The following FNIP1 variants were observed in gnomAD, a reference collection of about 807,000 sequenced individuals.
The protein encoded by FNIP1 is folliculin interacting protein 1.
FNIP1 carries 40 observed loss-of-function variants against 124.5 expected under a neutral mutation model. The observed-to-expected ratio is 0.32, with a 90% CI of 0.25 to 0.42. The LOEUF is 0.42. Among genes scored for constraint, FNIP1 ranks in the 10% least tolerant of loss-of-function variants. The pLI, the probability that FNIP1 is intolerant of heterozygous loss-of-function variation, is 1.00. For missense variants in FNIP1, 1,176 were observed against 1,403.7 expected, an observed-to-expected ratio of 0.84 and a Z score of 2.59; for synonymous variants, 472 against 470.6, an observed-to-expected ratio of 1.00 and a Z score of -0.04.
intron 11 of FNIP1, among the ~76,000 whole-genome samples, chr5:131,694,220 G>A (rs767133868): frequency 9.9e-5 from 15 of 152,124 alleles, no homozygotes; most frequent in South Asian, 2.1e-4. Context: ...ATGCTCCTAT[G>A]TATTTTTCCA....
chr5:131,664,817 TAA>T (rs1767546690), intron 15 of FNIP1, among the ~76,000 whole-genome samples: 2 of 150,918 alleles, frequency 1.3e-5, no homozygotes, highest in South Asian at 4.2e-4. Context: ...TATAAAATCA[TAA>T]AGAGTATAAA....
At chr5:131,741,959 C>A (rs1027733898) in intron 2 of FNIP1, among the ~76,000 whole-genome samples, 1 of 152,286 alleles carries the variant, frequency 6.6e-6, no homozygotes, top group Admixed American at 6.5e-5. Flanking sequence ...GGGAGGACTG[C>A]GTGATCCCAG....
intron 1 of FNIP1, among the ~76,000 whole-genome samples, chr5:131,772,045 A>G (rs1267519376): frequency 6.6e-6 from 1 of 152,182 alleles, no homozygotes; most frequent in East Asian, 1.9e-4. Flanking sequence ...TCACACATAC[A>G]AAGGAATACT....
chr5:131,702,150 A>G (rs892488768), intron 10 of FNIP1, among the ~76,000 whole-genome samples: 1 of 152,242 alleles, frequency 6.6e-6, no homozygotes, highest in Non-Finnish European at 1.5e-5. Flanking sequence ...AACCATTTAC[A>G]ATAACTTGAG....
intron 1 of FNIP1, among the ~76,000 whole-genome samples, chr5:131,752,596 T>C (rs1770913461): frequency 1.4e-5 from 2 of 145,928 alleles, no homozygotes; most frequent in East Asian, 2.0e-4. Flanking sequence ...AATGCACATA[T>C]CTGATAAAAA....
At chr5:131,656,548 G>A (rs1767197573) in intron 15 of FNIP1, among the ~76,000 whole-genome samples, 1 of 152,154 alleles carries the variant, frequency 6.6e-6, no homozygotes, top group Non-Finnish European at 1.5e-5. Context: ...AAAGCAAAAG[G>A]AGGGTAAAGG....
intron 11 of FNIP1, among the ~76,000 whole-genome samples, chr5:131,696,806 C>T (rs1322360968): frequency 6.6e-6 from 1 of 152,012 alleles, no homozygotes; most frequent in African/African-American, 2.4e-5. Context: ...TTCCCCTAAC[C>T]ACTGAGTGTA....
intron 15 of FNIP1, among the ~76,000 whole-genome samples, chr5:131,664,634 C>CTA (rs1767539001): frequency 1.3e-5 from 1 of 77,456 alleles, no homozygotes; most frequent in Non-Finnish European, 2.4e-5. Context: ...GACCCTGTCT[C>CTA]AAAAAAAAAA....
intron 2 of FNIP1, among the ~76,000 whole-genome samples, chr5:131,741,736 A>G (rs1486707785): frequency 6.6e-6 from 1 of 152,150 alleles, no homozygotes; most frequent in Non-Finnish European, 1.5e-5. Context: ...ATTTAAAAGG[A>G]CTCCAGTAAG....
intron 10 of FNIP1, among the ~76,000 whole-genome samples, chr5:131,702,458 A>C (rs1768935240): frequency 6.6e-6 from 1 of 152,166 alleles, no homozygotes; most frequent in African/African-American, 2.4e-5. Context: ...ACCAAGTAAA[A>C]GCACAATATG....
chr5:131,740,703 T>C (rs1018056765), intron 2 of FNIP1, among the ~76,000 whole-genome samples: 3 of 152,156 alleles, frequency 2.0e-5, no homozygotes, highest in Admixed American at 2.0e-4. Context: ...AACTCCATCT[T>C]GAATAGGGGC....
chr5:131,792,321 C>G (rs757055005), intron 1 of FNIP1, among the ~76,000 whole-genome samples: 2 of 152,068 alleles, frequency 1.3e-5, no homozygotes, highest in Non-Finnish European at 2.9e-5. Context: ...CCACCACACC[C>G]AGCTGATTCT....
chr5:131,647,288 T>C, intron 16 of FNIP1, 83 bp from the exon 17 acceptor site: 2 of 959,512 alleles, frequency 2.1e-6, no homozygotes, highest in Non-Finnish European at 3.3e-6. Flanking sequence ...CATAATGTTT[T>C]TGACAATTCT....
chr5:131,730,475 ATACT>A (rs958579638), intron 3 of FNIP1, among the ~76,000 whole-genome samples: 5 of 152,234 alleles, frequency 3.3e-5, no homozygotes, highest in African/African-American at 1.2e-4. Flanking sequence ...CCTATGTATT[ATACT>A]TACTAATACG....
At chr5:131,749,392 CTTT>C (rs1330566507) in intron 1 of FNIP1, among the ~76,000 whole-genome samples, 10 of 133,064 alleles carry the variant, frequency 7.5e-5, no homozygotes, top group South Asian at 4.9e-4. Flanking sequence ...CACTTTTTAT[CTTT>C]TTTTTTTTTT....
At chr5:131,682,162 G>A (rs1768108337) in intron 11 of FNIP1, among the ~76,000 whole-genome samples, 1 of 152,044 alleles carries the variant, frequency 6.6e-6, no homozygotes, top group Non-Finnish European at 1.5e-5. Flanking sequence ...TAAATATGCT[G>A]ATCATTTAAG....
intron 11 of FNIP1, among the ~76,000 whole-genome samples, chr5:131,686,437 T>G (rs983655378): frequency 6.6e-6 from 1 of 152,182 alleles, no homozygotes; most frequent in African/African-American, 2.4e-5. Flanking sequence ...CTTGACTACC[T>G]AGGCTCAACC....
chr5:131,710,667 T>C lies in FNIP1; in HGVS notation c.623-6A>G. 2 of 1,612,772 alleles carry C rather than the reference T, an allele frequency of 1.2e-6. No individual in the cohort carries two copies. Among genetic ancestry groups the C allele is most frequent in the Non-Finnish European group, 1.7e-6 (2 of 1,179,608 alleles). On this transcript the variant is annotated splice_polypyrimidine_tract_variant and splice_region_variant and intron_variant, in intron 6 of 17. Transcript: ENST00000510461. Reference sequence around the variant, plus strand: ...GCTGCAGAACTGTGAAAGACCTACATGGCAAAAACGTAAAATACACATGAA... The same window carrying C: ...GCTGCAGAACTGTGAAAGACCTACACGGCAAAAACGTAAAATACACATGAA...
At position 131,670,471 on chromosome 5, in the gene FNIP1, C is replaced by T. The variant is rs1226459155; in HGVS notation, c.3100G>A (p.Ala1034Thr). The stretch of plus-strand genomic sequence containing the variant: ...CAGTGAAGGTCACTCACCTGCACAG[C>T]ATGAGATAAATCTGACATCAGACAC... ...RQCLMSDLSH[A>T]VQHPVLDEPI... is the part of the protein sequence containing the mutation. Residue 1034 changes from alanine (A) to threonine (T), a missense_variant, in exon 15 of 18, where the codon GCT becomes ACT. By Grantham distance (58) the Ala-to-Thr change is moderately conservative. Transcript: ENST00000510461. 3 of 1,608,496 alleles carry T rather than the reference C, an allele frequency of 1.9e-6. No homozygotes were observed. The highest frequency in any genetic ancestry group is 2.5e-6 in the Non-Finnish European group (3 of 1,178,182).
Sources: allele counts gnomAD v4.1 joint callset (sites outside exome capture counted in the v4.1 genomes callset), GRCh38; gene constraint gnomAD v4.1.1; transcripts MANE v1.5; gene names NCBI Gene and HGNC (gene_info 2026-07-23, HGNC 2026-07-21).